FN1: variants seen among roughly 807,000 people sequenced by gnomAD.
The protein encoded by FN1 is fibronectin.
In FN1, 106 loss-of-function variants were observed where a neutral mutation model predicts 297.3. The observed-to-expected ratio is 0.36, with a 90% CI of 0.30 to 0.42. The LOEUF (loss-of-function observed/expected upper bound fraction) is 0.42. Ranked by LOEUF, FN1 falls within the 10% of genes least tolerant of loss-of-function variation. The pLI is 1.00. For missense variants in FN1, 2,690 were observed against 3,124.9 expected, an observed-to-expected ratio of 0.86 and a Z score of 3.32; for synonymous variants, 1,149 against 1,152.6, an observed-to-expected ratio of 1.00 and a Z score of 0.06.
Position 215,368,076 on chromosome 2 carries a change from T to C in FN1, c.6854-49A>G, listed in dbSNP as rs181103896. The C allele has an allele frequency of 3.7e-5, 59 of 1,589,384 alleles. No individual in the cohort carries two copies. In the African/African-American group the frequency reaches 6.4e-4, roughly 17 times the overall value. On this transcript the variant is annotated intron_variant, in intron 41 of 45. Transcript: ENST00000354785. Reference sequence around the variant, plus strand: ...CAAAAAGAGACATCTTATTAATCGATTTGGACCATAAGAAGAAAATCGAAT... The same window carrying C: ...CAAAAAGAGACATCTTATTAATCGACTTGGACCATAAGAAGAAAATCGAAT...
Position 215,408,401 on chromosome 2 carries a change from C to T in FN1, c.2325G>A (p.Val775=). ...GGCCAGGAAGCAGGTCAGGGATGTT[C>T]ACAGAAGTGGCTGTGCTTGGAAGAT... ...YLDLPSTATS[V]NIPDLLPGRK... The change falls in exon 16 of 46, where the codon GTG becomes GTA. Residue 775 remains valine (V), a synonymous_variant. Coordinates refer to ENST00000354785, the MANE Select transcript of FN1 (RefSeq NM_212482.4). 1 of 1,614,060 alleles carries T rather than the reference C, an allele frequency of 6.2e-7. No individual in the cohort carries two copies. Among genetic ancestry groups the T allele is most frequent in the South Asian group, 1.1e-5 (1 of 91,052 alleles).
chr2:215,429,591 C>CA (rs2066105510), intron 5 of FN1, among the ~76,000 whole-genome samples: 1 of 152,170 alleles, frequency 6.6e-6, no homozygotes, highest in South Asian at 2.1e-4. Flanking sequence ...CCCAAATCCC[C>CA]AGCGAAAAGT....
chr2:215,378,090 G>A (rs1452811328), intron 35 of FN1, 85 bp downstream of exon 35: 4 of 885,090 alleles, frequency 4.5e-6, no homozygotes, highest in African/African-American at 3.3e-5. Context: ...TTTTAGACAT[G>A]AGCCACTGAA....
chr2:215,375,626 TACC>T lies in FN1; in HGVS notation c.5977_5977+2del. 1 of 1,597,354 alleles carries T rather than the reference TACC, an allele frequency of 6.3e-7. No homozygotes were observed. The highest frequency in any genetic ancestry group is 1.1e-5 in the South Asian group (1 of 90,734). ...GCATTTCCTCAGTAGAAGGTATAGT[TACC>T]AGTGGAGGCGTCGATGACCACAGGG... On this transcript the variant is annotated splice_donor_variant and coding_sequence_variant, in exon 37 of 46. Transcript: ENST00000354785. LOFTEE classifies it high-confidence loss of function.
chr2:215,427,865 T>C (rs112836120), intron 6 of FN1, among the ~76,000 whole-genome samples: 6 of 152,144 alleles, frequency 3.9e-5, no homozygotes, highest in African/African-American at 9.7e-5. Context: ...CGTGTGTGTG[T>C]GCGTGTGTGC....
rs377737306 is a variant in FN1, at chr2:215,383,498, A to G, written c.4895-15T>C. The G allele has an allele frequency of 9.9e-6, 16 of 1,613,990 alleles. No individual in the cohort carries two copies. The highest frequency in any genetic ancestry group is 3.3e-5 in the Admixed American group (2 of 59,998). On this transcript the variant is annotated splice_polypyrimidine_tract_variant and intron_variant, in intron 30 of 45. Transcript: ENST00000354785. The stretch of plus-strand genomic sequence containing the variant: ...TTTGTCAATTTCTACAAATAAAAGC[A>G]GGGAGAAACCAGTGAAGCCCCAGTC...
At chr2:215,389,269 A>T (rs1263439408) in intron 26 of FN1, among the ~76,000 whole-genome samples, 1 of 151,818 alleles carries the variant, frequency 6.6e-6, no homozygotes, top group Non-Finnish European at 1.5e-5. Flanking sequence ...ATGCCTGGCT[A>T]ATTTTTGTAT....
chr2:215,378,143 G>C (rs2057645985), intron 35 of FN1, 32 bp downstream of exon 35: 1 of 1,258,806 alleles, frequency 7.9e-7, no homozygotes, highest in Non-Finnish European at 1.2e-6. Context: ...TATACAGAAG[G>C]TTTGTCCATA....
chr2:215,381,487 T>TTTTG (rs2058205780), intron 32 of FN1: 2 of 303,242 alleles, frequency 6.6e-6, no homozygotes, highest in Non-Finnish European at 1.3e-5. Context: ...GTTTTGTTTT[T>TTTTG]TTTTGAGATG....
chr2:215,380,769 C>A, intron 33 of FN1, 42 bp downstream of exon 33: 1 of 1,611,024 alleles, frequency 6.2e-7, no homozygotes, highest in Non-Finnish European at 8.5e-7. Flanking sequence ...GGCATAAAGC[C>A]GCTGCTCCCA....
At chr2:215,409,051 G>A (rs568316870) in intron 15 of FN1, among the ~76,000 whole-genome samples, 2 of 152,234 alleles carry the variant, frequency 1.3e-5, no homozygotes, top group East Asian at 1.9e-4. Flanking sequence ...GATTATTGGC[G>A]GAAGATGATG....
chr2:215,421,503 C>G (rs1242656342), intron 10 of FN1, among the ~76,000 whole-genome samples: 1 of 152,194 alleles, frequency 6.6e-6, no homozygotes, highest in Non-Finnish European at 1.5e-5. Context: ...CAAATTCAGA[C>G]CAATATCTAC....
chr2:215,414,767 A>G, intron 13 of FN1, 70 bp downstream of exon 13: 1 of 1,601,202 alleles, frequency 6.2e-7, no homozygotes, highest in South Asian at 1.1e-5. Context: ...AAAGCTGGGA[A>G]AAAAAGAAAC....
intron 23 of FN1, among the ~76,000 whole-genome samples, chr2:215,395,496 G>A (rs1204932808): frequency 6.6e-6 from 1 of 150,830 alleles, no homozygotes. Context: ...TTGAGATGGC[G>A]CCACTGCACT....
Position 215,425,138 on chromosome 2 carries a change from A to G in FN1, c.992T>C (p.Met331Thr). ...TCCGTTGCCCAGGCACGTGCAAAGC[A>G]TTTGCTTATTTCCTTGTGTCTTCAG... is the stretch of plus-strand genomic sequence containing the variant. ...QWLKTQGNKQMLCTCLGNGVS... is the reference protein window; with the variant it reads ...QWLKTQGNKQTLCTCLGNGVS... Residue 331 changes from methionine to threonine, a missense_variant, in exon 7 of 46, where the codon ATG (methionine) becomes ACG (threonine). Met to Thr is a moderately conservative substitution (Grantham distance 81, BLOSUM62 -1). Transcript: ENST00000354785. 6.2e-7 allele frequency: 1 copy of G among 1,614,098 alleles called. No homozygotes were observed. The highest frequency in any genetic ancestry group is 8.5e-7 in the Non-Finnish European group (1 of 1,180,002).
At chr2:215,399,199 G>T in intron 21 of FN1, 58 bp downstream of exon 21, 1 of 1,278,344 alleles carries the variant, frequency 7.8e-7, no homozygotes, top group Non-Finnish European at 1.1e-6. Context: ...CCACTACATG[G>T]GAACCACAAG....
At chr2:215,421,941 C>T in intron 10 of FN1, 150 bp downstream of exon 10, 1 of 800,246 alleles carries the variant, frequency 1.2e-6, no homozygotes, top group Non-Finnish European at 2.1e-6. Context: ...GCCTTTCAGG[C>T]TTATCTTACC....
At chr2:215,408,974 CG>C (rs2062177678) in intron 15 of FN1, among the ~76,000 whole-genome samples, 1 of 151,986 alleles carries the variant, frequency 6.6e-6, no homozygotes, top group Admixed American at 6.6e-5. Flanking sequence ...TTTCTAAAGA[CG>C]TATAATTTTT....
intron 22 of FN1, 59 bp downstream of exon 22, chr2:215,397,621 T>A: frequency 1.3e-6 from 2 of 1,489,218 alleles, no homozygotes; most frequent in Non-Finnish European, 1.9e-6. Flanking sequence ...GACACTAGCT[T>A]TTTTCGAAAA....
Sources: allele counts gnomAD v4.1 joint callset (sites outside exome capture counted in the v4.1 genomes callset), GRCh38; gene constraint gnomAD v4.1.1; transcripts MANE v1.5; gene names NCBI Gene and HGNC (gene_info 2026-07-23, HGNC 2026-07-21).